The following ADD2 variants were observed in gnomAD, a reference collection of about 807,000 sequenced individuals.
ADD2 encodes adducin 2.
A neutral mutation model predicts 83.0 loss-of-function variants in ADD2; 23 were observed. The ratio of observed to expected loss-of-function variants is 0.28; its 90% CI spans 0.20 to 0.39. ADD2 has a LOEUF of 0.39. Ranked by LOEUF, ADD2 falls within the 10% of genes least tolerant of loss-of-function variation. ADD2 has a pLI of 1.00. For missense variants in ADD2, 758 were observed against 944.9 expected, an observed-to-expected ratio of 0.80 and a Z score of 2.59; for synonymous variants, 375 against 375.4, an observed-to-expected ratio of 1.00 and a Z score of 0.01.
intron 1 of ADD2, among the ~76,000 whole-genome samples, chr2:70,726,184 C>G: frequency 2.8e-5 from 1 of 36,016 alleles, no homozygotes; most frequent in Non-Finnish European, 4.1e-5. Flanking sequence ...GAGACTCCAT[C>G]TCAAAAAAAA....
intron 1 of ADD2, among the ~76,000 whole-genome samples, chr2:70,731,694 A>G (rs782806718): frequency 1.3e-5 from 2 of 152,230 alleles, no homozygotes; most frequent in Admixed American, 6.5e-5. Context: ...GTGGCTGCAC[A>G]GATCTCTTGC....
In ADD2 at chr2:70,748,626, C is replaced by A. The variant is rs539090115; in HGVS notation, c.-154+19260G>T. ...CCACAGAAGTGATCACTGAAAACCC[C>A]TGCCACTGACAAGGTCCTCTGAGCC... On this transcript the variant is annotated intron_variant, in intron 1 of 15. Coordinates refer to ENST00000264436, the MANE Select transcript of ADD2 (RefSeq NM_001617.4). Among the ~76,000 whole-genome samples, 8 of 152,294 alleles carry A rather than the reference C, an allele frequency of 5.3e-5. No homozygotes were observed. In the South Asian group the frequency reaches 1.5e-3, roughly 28 times the overall value.
At chr2:70,752,071 A>G (rs916410305) in intron 1 of ADD2, among the ~76,000 whole-genome samples, 3 of 152,164 alleles carry the variant, frequency 2.0e-5, no homozygotes, top group Non-Finnish European at 4.4e-5. Context: ...TTCAAGCCAA[A>G]GACACTACAA....
At chr2:70,760,314 G>A (rs912215006) in intron 1 of ADD2, among the ~76,000 whole-genome samples, 3 of 152,098 alleles carry the variant, frequency 2.0e-5, no homozygotes, top group South Asian at 2.1e-4. Flanking sequence ...CCTCAAACTC[G>A]TCTTGTCTAA....
chr2:70,682,250 C>CT (rs34468403), intron 10 of ADD2, among the ~76,000 whole-genome samples: 2 of 152,046 alleles, frequency 1.3e-5, no homozygotes, highest in African/African-American at 2.4e-5. Flanking sequence ...GCTTAGTATT[C>CT]TTTTTTCACT....
At chr2:70,666,547 C>T (rs1204897415) in intron 15 of ADD2, among the ~76,000 whole-genome samples, 1 of 152,222 alleles carries the variant, frequency 6.6e-6, no homozygotes, top group Non-Finnish European at 1.5e-5. Context: ...GCGCTCTCCT[C>T]TAAGATGGTT....
chr2:70,669,045 G>GA (rs1339199610), intron 15 of ADD2, among the ~76,000 whole-genome samples: 4 of 151,916 alleles, frequency 2.6e-5, no homozygotes, highest in African/African-American at 9.7e-5. Context: ...TAAAGACCTT[G>GA]AAAAAAAACA....
chr2:70,714,309 G>T (rs1322175006), intron 1 of ADD2, among the ~76,000 whole-genome samples: 1 of 152,096 alleles, frequency 6.6e-6, no homozygotes, highest in African/African-American at 2.4e-5. Flanking sequence ...CCTGCCCATG[G>T]CTCTGGCTCA....
At chr2:70,666,900 G>A (rs1675823323) in intron 15 of ADD2, among the ~76,000 whole-genome samples, 1 of 152,150 alleles carries the variant, frequency 6.6e-6, no homozygotes, top group South Asian at 2.1e-4. Context: ...GGGGCTTGGA[G>A]GAGCCAGGTT....
chr2:70,683,322 C>A (rs1465295157), intron 10 of ADD2, among the ~76,000 whole-genome samples: 1 of 152,240 alleles, frequency 6.6e-6, no homozygotes, highest in African/African-American at 2.4e-5. Flanking sequence ...CCACTGCGCC[C>A]GGCCTGGACT....
At chr2:70,734,899 TC>T (rs1673452283) in intron 1 of ADD2, among the ~76,000 whole-genome samples, 1 of 152,206 alleles carries the variant, frequency 6.6e-6, no homozygotes, top group African/African-American at 2.4e-5. Context: ...GGCCCATCTT[TC>T]TATTTCCCAT....
chr2:70,690,762 T>C (rs1670984758), intron 8 of ADD2, 24 bp downstream of exon 8: 1 of 1,601,312 alleles, frequency 6.2e-7, no homozygotes, highest in Non-Finnish European at 8.5e-7. Flanking sequence ...CTCTAGATTA[T>C]TGTCCCAGAA....
chr2:70,753,469 T>C (rs1574325306), intron 1 of ADD2, among the ~76,000 whole-genome samples: 1 of 151,782 alleles, frequency 6.6e-6, no homozygotes, highest in Non-Finnish European at 1.5e-5. Context: ...GAAAAGCCAA[T>C]TGCCATGGTG....
chr2:70,709,950 A>C (rs1271810164), intron 2 of ADD2, among the ~76,000 whole-genome samples: 1 of 152,196 alleles, frequency 6.6e-6, no homozygotes, highest in Non-Finnish European at 1.5e-5. Context: ...TCAGAGCCAC[A>C]CAGACATGTG....
At chr2:70,682,293 CTG>C (rs1247225852) in intron 10 of ADD2, among the ~76,000 whole-genome samples, 2 of 152,088 alleles carry the variant, frequency 1.3e-5, no homozygotes, top group Non-Finnish European at 1.5e-5. Context: ...ACAGAATTAT[CTG>C]TGTCTTAAAG....
chr2:70,663,666 A>T lies in ADD2; in HGVS notation c.1940T>A (p.Val647Glu). Residue 647 changes from valine (V) to glutamate (E), a missense_variant, in exon 16 of 16, where the codon GTG becomes GAG. Physicochemically the swap from Val to Glu is moderately radical, Grantham distance 121 (BLOSUM62 -2). Transcript: ENST00000264436. ...TEPETTQPEG[V>E]VVNGREEEQT... ...CTCCTCCTCCCTCCCGTTGACCACC[A>T]CCCCTTCCGGCTGGGTTGTTTCGGG... 1 of 1,613,394 alleles carries T rather than the reference A, an allele frequency of 6.2e-7. No individual in the cohort carries two copies.
At chr2:70,736,646 G>C (rs1252902260) in intron 1 of ADD2, among the ~76,000 whole-genome samples, 2 of 152,152 alleles carry the variant, frequency 1.3e-5, no homozygotes, top group African/African-American at 2.4e-5. Flanking sequence ...ATAACTTCTA[G>C]AACTTTTCAT....
At chr2:70,722,311 G>GA (rs1294203073) in intron 1 of ADD2, among the ~76,000 whole-genome samples, 90 of 148,112 alleles carry the variant, frequency 6.1e-4, no homozygotes, top group Admixed American at 2.3e-3. Flanking sequence ...TACTGAGAAA[G>GA]AAAAAAAAAA....
intron 11 of ADD2, 73 bp from the exon 12 acceptor site, chr2:70,677,950 GAGAT>G: frequency 6.3e-7 from 1 of 1,596,766 alleles, no homozygotes; most frequent in Non-Finnish European, 8.6e-7. Context: ...GTCCACCCAC[GAGAT>G]CTGGGCCCAA....
Sources: gnomAD v4.1 joint callset for allele counts (sites outside exome capture counted in the v4.1 genomes callset) on GRCh38, gnomAD v4.1.1 for gene constraint, MANE v1.5 for transcripts, NCBI Gene and HGNC (gene_info 2026-07-23, HGNC 2026-07-21) for gene names.